Variants in AUTS2 observed in about 807,000 individuals in gnomAD.
AUTS2 encodes autism susceptibility gene 2 protein.
In AUTS2, 17 loss-of-function variants were observed where a neutral mutation model predicts 112.4. That is an observed-to-expected ratio of 0.15 (90% CI 0.10 to 0.23). AUTS2 has a LOEUF of 0.23. AUTS2 is among the 10% of genes least tolerant of loss of function. The pLI is 1.00. For missense variants in AUTS2, 1,510 were observed against 1,701.6 expected (o/e 0.89, Z 1.98); for synonymous variants, 751 against 702.7 (o/e 1.07, Z -1.09).
At chr7:69,977,956 G>A (rs1269337109) in intron 2 of AUTS2, among the ~76,000 whole-genome samples, 1 of 152,088 alleles carries the variant, frequency 6.6e-6, no homozygotes, top group East Asian at 1.9e-4. Flanking sequence ...ATAATGTTGA[G>A]GGATTTTAGT....
intron 5 of AUTS2, among the ~76,000 whole-genome samples, chr7:70,691,240 G>C (rs2129546387): frequency 6.6e-6 from 1 of 152,128 alleles, no homozygotes; most frequent in African/African-American, 2.4e-5. Flanking sequence ...TATTAGAAAG[G>C]GTTGCCGCTT....
chr7:69,739,996 G>A (rs549046383), intron 1 of AUTS2, among the ~76,000 whole-genome samples: 2 of 152,320 alleles, frequency 1.3e-5, no homozygotes, highest in South Asian at 2.1e-4. Context: ...TTGTGGCTAC[G>A]AGGACTTACT....
intron 2 of AUTS2, among the ~76,000 whole-genome samples, chr7:69,944,005 C>CA (rs1311378514): frequency 2.0e-5 from 3 of 152,068 alleles, no homozygotes; most frequent in Non-Finnish European, 1.5e-5. Flanking sequence ...TCATTCCAGA[C>CA]AAAAGTACTA....
At chr7:69,888,553 ATATATATATATATATATATG>A (rs969852753) in intron 1 of AUTS2, among the ~76,000 whole-genome samples, 8 of 143,604 alleles carry the variant, frequency 5.6e-5, no homozygotes, top group African/African-American at 2.1e-4. Context: ...ATATATATAT[ATATATATATATATATATATG>A]TATGGTTTTT....
intron 1 of AUTS2, among the ~76,000 whole-genome samples, chr7:69,661,480 G>A (rs1795794029): frequency 6.6e-6 from 1 of 152,156 alleles, no homozygotes; most frequent in Non-Finnish European, 1.5e-5. Flanking sequence ...GCACTATTTA[G>A]CACTGAAACC....
chr7:70,483,310 G>A (rs1029202993), intron 5 of AUTS2, among the ~76,000 whole-genome samples: 5 of 152,252 alleles, frequency 3.3e-5, no homozygotes, highest in Admixed American at 6.5e-5. Flanking sequence ...TGGATACAGC[G>A]TTTGACCTGC....
At chr7:70,712,004 C>T (rs1810079418) in intron 6 of AUTS2, among the ~76,000 whole-genome samples, 1 of 147,630 alleles carries the variant, frequency 6.8e-6, no homozygotes, top group Non-Finnish European at 1.5e-5. Context: ...CACTCTGTTC[C>T]CTCCACATCT....
At chr7:69,932,796 A>G (rs1796272848) in intron 2 of AUTS2, among the ~76,000 whole-genome samples, 1 of 152,248 alleles carries the variant, frequency 6.6e-6, no homozygotes. Flanking sequence ...AGTGTACGAT[A>G]GTGGCTTCAC....
chr7:70,613,667 T>C (rs1271362196), intron 5 of AUTS2, among the ~76,000 whole-genome samples: 1 of 151,974 alleles, frequency 6.6e-6, no homozygotes, highest in Non-Finnish European at 1.5e-5. Context: ...CCAGATGATA[T>C]AGATGCCTGG....
intron 5 of AUTS2, among the ~76,000 whole-genome samples, chr7:70,463,319 C>T (rs1260795174): frequency 6.6e-6 from 1 of 152,204 alleles, no homozygotes; most frequent in African/African-American, 2.4e-5. Flanking sequence ...TTCTTAAAGA[C>T]CCAGCTGTAT....
rs1563031167 is a variant in AUTS2 at position 70,004,201 on chromosome 7, A to ATGAATGTGTTATATGTGAATATATATAT, written c.522+104704_522+104705insGAATGTGTTATATGTGAATATATATATT. 4.1e-3 allele frequency among the ~76,000 whole-genome samples: 245 copies of ATGAATGTGTTATATGTGAATATATATAT among 59,464 alleles called. 10 individuals are homozygous for ATGAATGTGTTATATGTGAATATATATAT. Among genetic ancestry groups the ATGAATGTGTTATATGTGAATATATATAT allele is most frequent in the African/African-American group, 0.019 (225 of 11,608 alleles). The allele number at this position is 59,464 out of a possible 152,430, so 39.0% of individuals were successfully genotyped here. On this transcript the variant is annotated intron_variant, in intron 2 of 18. Coordinates refer to ENST00000342771, the MANE Select transcript of AUTS2 (RefSeq NM_015570.4). Reference sequence around the variant, plus strand: ...AATGTGTTATATGTGAATATATATTATATATATGAATGTGTTATATGTGAA... The same window carrying ATGAATGTGTTATATGTGAATATATATAT: ...AATGTGTTATATGTGAATATATATTATGAATGTGTTATATGTGAATATATATATTATATATGAATGTGTTATATGTGAA...
chr7:70,480,675 C>G (rs1797756971), intron 5 of AUTS2, among the ~76,000 whole-genome samples: 1 of 152,154 alleles, frequency 6.6e-6, no homozygotes, highest in African/African-American at 2.4e-5. Flanking sequence ...GATCCCATAC[C>G]TTTGTACCTG....
At chr7:70,418,331 G>A (rs1795078013) in intron 4 of AUTS2, among the ~76,000 whole-genome samples, 1 of 152,116 alleles carries the variant, frequency 6.6e-6, no homozygotes, top group South Asian at 2.1e-4. Context: ...CCATGGCTGA[G>A]AACTATGTTA....
chr7:69,834,080 A>G (rs1034987100), intron 1 of AUTS2, among the ~76,000 whole-genome samples: 13 of 152,096 alleles, frequency 8.5e-5, no homozygotes, highest in Non-Finnish European at 1.8e-4. Flanking sequence ...GGCTCTGGTA[A>G]GTCCTTTACA....
At chr7:70,761,497 A>T (rs1229666057) in intron 6 of AUTS2, among the ~76,000 whole-genome samples, 1 of 152,224 alleles carries the variant, frequency 6.6e-6, no homozygotes, top group Non-Finnish European at 1.5e-5. Context: ...CTCTTTTGAA[A>T]TTGTGTAGTA....
intron 5 of AUTS2, among the ~76,000 whole-genome samples, chr7:70,476,836 C>G (rs149417072): frequency 6.6e-6 from 1 of 152,314 alleles, no homozygotes; most frequent in East Asian, 1.9e-4. Context: ...CCTGAGGTCA[C>G]TCAGTGAACT....
intron 4 of AUTS2, among the ~76,000 whole-genome samples, chr7:70,278,880 C>T (rs765945821): frequency 1.2e-4 from 18 of 152,230 alleles, no homozygotes; most frequent in South Asian, 2.1e-4. Context: ...AAACTGCCAA[C>T]AAAGTTGTTT....
chr7:69,838,384 G>A (rs1791819866), intron 1 of AUTS2, among the ~76,000 whole-genome samples: 1 of 152,172 alleles, frequency 6.6e-6, no homozygotes, highest in Admixed American at 6.6e-5. Flanking sequence ...GTGTTAACTT[G>A]CTTGATCTTC....
chr7:70,696,639 G>A (rs565933272), intron 5 of AUTS2, among the ~76,000 whole-genome samples: 1 of 151,988 alleles, frequency 6.6e-6, no homozygotes, highest in South Asian at 2.1e-4. Context: ...GAAGCAAAAG[G>A]CCTGTTCACC....
Sources: gnomAD v4.1 joint callset for allele counts (sites outside exome capture counted in the v4.1 genomes callset) on GRCh38, gnomAD v4.1.1 for gene constraint, MANE v1.5 for transcripts, NCBI Gene and HGNC (gene_info 2026-07-23, HGNC 2026-07-21) for gene names.